Variants in ZC3H12B observed in about 807,000 individuals in gnomAD.
The protein encoded by ZC3H12B is zinc finger CCCH-type containing 12B.
Under a neutral mutation model 43.9 loss-of-function variants are expected in ZC3H12B, and 7 were observed. The ratio of observed to expected loss-of-function variants is 0.16; its 90% CI spans 0.09 to 0.30. ZC3H12B has a LOEUF of 0.30. Ranked by LOEUF, ZC3H12B falls within the 10% of genes least tolerant of loss-of-function variation. The pLI, the probability that ZC3H12B is intolerant of heterozygous loss-of-function variation, is 1.00. For missense variants in ZC3H12B, 475 were observed against 670.2 expected (o/e 0.71, Z 3.22); for synonymous variants, 222 against 241.7 (o/e 0.92, Z 0.76).
chrX:65,371,355 T>G (rs1486807123), intron 2 of ZC3H12B, among the ~76,000 whole-genome samples: 1 of 111,546 alleles, frequency 9.0e-6, no homozygotes, highest in Non-Finnish European at 1.9e-5. Context: ...GCCTCAAGGA[T>G]GTTAAAGGTC....
chrX:65,470,586 G>A (rs1196075884), intron 3 of ZC3H12B, among the ~76,000 whole-genome samples: 1 of 110,500 alleles, frequency 9.0e-6, no homozygotes, highest in African/African-American at 3.3e-5. Context: ...CCTCACCCTT[G>A]GGGCTTTCCC....
At chrX:65,336,221 C>T in the ZC3H12B span, among the ~76,000 whole-genome samples, 1 of 112,772 alleles carries the variant, frequency 8.9e-6, no homozygotes, top group Middle Eastern at 4.6e-3. Context: ...CCAGTTTGCA[C>T]AAACAAAGAA....
At chrX:65,450,709 G>GTA (rs769110161) in intron 3 of ZC3H12B, among the ~76,000 whole-genome samples, 262 of 19,187 alleles carry the variant, frequency 0.014, 15 homozygotes, top group East Asian at 0.024. Flanking sequence ...GTGTATATAT[G>GTA]TATATGTATA....
At chrX:65,486,026 G>T (rs2068119993), upstream of ZC3H12B, among the ~76,000 whole-genome samples, 1 of 111,953 alleles carries the variant, frequency 8.9e-6, no homozygotes. Context: ...ATTAAGTAAT[G>T]TCAGCAGATG....
the ZC3H12B span, among the ~76,000 whole-genome samples, chrX:65,061,471 C>A: frequency 8.9e-6 from 1 of 112,285 alleles, no homozygotes; most frequent in Non-Finnish European, 1.9e-5. Flanking sequence ...CCAGTTTCAT[C>A]CATGTTTCTG....
At chrX:65,313,873 A>G in the ZC3H12B span, among the ~76,000 whole-genome samples, 6 of 112,213 alleles carry the variant, frequency 5.3e-5, no homozygotes, top group Admixed American at 5.7e-4. Flanking sequence ...ATTAAAAGAC[A>G]AAGACTTTAA....
chrX:65,105,304 G>T, the ZC3H12B span, among the ~76,000 whole-genome samples: 3 of 110,886 alleles, frequency 2.7e-5, no homozygotes, highest in Admixed American at 9.7e-5. Flanking sequence ...TCTAGTGCAT[G>T]TGGGGCTTAA....
the ZC3H12B span, among the ~76,000 whole-genome samples, chrX:65,243,717 C>A: frequency 2.7e-5 from 3 of 111,998 alleles, no homozygotes; most frequent in African/African-American, 9.7e-5. Flanking sequence ...ACGGAATCAA[C>A]CTAAGTGTCT....
intron 3 of ZC3H12B, among the ~76,000 whole-genome samples, chrX:65,433,421 G>A (rs2067186325): frequency 9.0e-6 from 1 of 111,669 alleles, no homozygotes; most frequent in Non-Finnish European, 1.9e-5. Flanking sequence ...ACCATAATAA[G>A]CTTCACTTCA....
At chrX:65,050,136 T>C in the ZC3H12B span, among the ~76,000 whole-genome samples, 2 of 111,454 alleles carry the variant, frequency 1.8e-5, no homozygotes, top group East Asian at 5.6e-4. Flanking sequence ...GTCACCTTGG[T>C]TAAGTTTATT....
chrX:65,313,408 G>T, the ZC3H12B span, among the ~76,000 whole-genome samples: 3 of 112,050 alleles, frequency 2.7e-5, no homozygotes, highest in Non-Finnish European at 5.6e-5. Context: ...CTGAAGAGTT[G>T]ATCTCTTAAT....
chrX:65,189,625 C>T, the ZC3H12B span, among the ~76,000 whole-genome samples: 1 of 101,788 alleles, frequency 9.8e-6, no homozygotes, highest in Non-Finnish European at 2.0e-5. Context: ...ATGTCCTTCG[C>T]CCACTTTTTG....
At chrX:65,132,542 G>A in the ZC3H12B span, among the ~76,000 whole-genome samples, 6 of 110,533 alleles carry the variant, frequency 5.4e-5, no homozygotes, top group Admixed American at 9.6e-5. Context: ...CTTTGAACTG[G>A]GGAAAAAGGG....
chrX:65,252,360 G>A, the ZC3H12B span, among the ~76,000 whole-genome samples: 1 of 111,473 alleles, frequency 9.0e-6, no homozygotes, highest in East Asian at 2.8e-4. Context: ...GAGGATTTTT[G>A]CATCAATGTT....
the ZC3H12B span, among the ~76,000 whole-genome samples, chrX:65,153,653 A>C: frequency 1.6e-4 from 18 of 112,372 alleles, no homozygotes; most frequent in African/African-American, 4.5e-4. Flanking sequence ...TAGTTCAACC[A>C]TTGTGGAAGT....
chrX:65,490,993 A>G (rs2068194832), intron 1 of ZC3H12B, among the ~76,000 whole-genome samples: 1 of 111,255 alleles, frequency 9.0e-6, no homozygotes, highest in Non-Finnish European at 1.9e-5. Flanking sequence ...TTAGCAGACT[A>G]TCTAGAAGTA....
chrX:65,059,451 T>G, the ZC3H12B span, among the ~76,000 whole-genome samples: 1 of 111,272 alleles, frequency 9.0e-6, no homozygotes, highest in Admixed American at 9.6e-5. Context: ...GATATCCAGT[T>G]TTCCCAGCAC....
chrX:65,224,495 C>A, the ZC3H12B span, among the ~76,000 whole-genome samples: 1 of 112,679 alleles, frequency 8.9e-6, no homozygotes, highest in Non-Finnish European at 1.9e-5. Context: ...CCGGGTTCAT[C>A]TCACTAGGGA....
chrX:65,103,458 C>T, the ZC3H12B span, among the ~76,000 whole-genome samples: 357 of 111,406 alleles, frequency 3.2e-3, 1 homozygote, highest in East Asian at 0.017. Context: ...ACAATTTGTG[C>T]AGTTAACGCA....
Sources: gnomAD v4.1 joint callset for allele counts (sites outside exome capture counted in the v4.1 genomes callset) on GRCh38, gnomAD v4.1.1 for gene constraint, MANE v1.5 for transcripts, NCBI Gene and HGNC (gene_info 2026-07-23, HGNC 2026-07-21) for gene names.